The following TENM3 variants were observed in gnomAD, a reference collection of about 807,000 sequenced individuals.
TENM3 encodes teneurin transmembrane protein 3, also known as teneurin-3.
TENM3 carries 63 observed loss-of-function variants against 255.1 expected under a neutral mutation model. The ratio of observed to expected loss-of-function variants is 0.25; its 90% CI spans 0.20 to 0.30. The LOEUF is 0.30. Among genes scored for constraint, TENM3 ranks in the 10% least tolerant of loss-of-function variants. TENM3 has a pLI of 1.00. For missense variants in TENM3, 2,929 were observed against 3,461.1 expected, an observed-to-expected ratio of 0.85 and a Z score of 3.86; for synonymous variants, 1,306 against 1,322.3, an observed-to-expected ratio of 0.99 and a Z score of 0.27.
At chr4:182,730,067 T>C in intron 14 of TENM3, 133 bp from the exon 15 acceptor site, 1 of 1,052,406 alleles carries the variant, frequency 9.5e-7, no homozygotes, top group Non-Finnish European at 1.4e-6. Context: ...GTATTTCAGG[T>C]CTGATTTTTG....
intron 3 of TENM3, among the ~76,000 whole-genome samples, chr4:182,351,630 T>G (rs370480531): frequency 9.9e-5 from 15 of 152,194 alleles, no homozygotes; most frequent in East Asian, 5.8e-4. Flanking sequence ...ACCTTTGATG[T>G]AAGGCAGGCC....
chr4:181,569,217 T>A, the TENM3 span, among the ~76,000 whole-genome samples: 13 of 152,134 alleles, frequency 8.5e-5, no homozygotes, highest in African/African-American at 3.1e-4. Context: ...GCTGCCCTGC[T>A]CTTTCTTATT....
rs372061748 is a variant in TENM3, at chr4:182,799,592, G to A, written c.7345-4G>A. The A allele has an allele frequency of 7.3e-5, 112 of 1,536,398 alleles. No homozygotes were observed. The highest frequency in any genetic ancestry group is 9.3e-5 in the Non-Finnish European group (106 of 1,145,940). On this transcript the variant is annotated splice_polypyrimidine_tract_variant and splice_region_variant and intron_variant, in intron 27 of 27. Transcript: ENST00000511685. The surrounding 1 kb of genome is among the most constrained non-coding windows in gnomAD (Gnocchi z 4.2). Reference sequence around the variant, plus strand: ...ACGCGCCCCCTCTTTTGTTTCGCCCGCAGCCCATCTTCGGAGTCCAGCAGC... The same window carrying A: ...ACGCGCCCCCTCTTTTGTTTCGCCCACAGCCCATCTTCGGAGTCCAGCAGC...
At chr4:181,472,908 T>C in the TENM3 span, among the ~76,000 whole-genome samples, 3 of 152,142 alleles carry the variant, frequency 2.0e-5, no homozygotes, top group Admixed American at 6.5e-5. Flanking sequence ...CAAGAATAAA[T>C]GGAATTCATA....
chr4:182,026,766 C>T, the TENM3 span, among the ~76,000 whole-genome samples: 1 of 152,134 alleles, frequency 6.6e-6, no homozygotes, highest in African/African-American at 2.4e-5. Flanking sequence ...AAATGGTTTA[C>T]TGGAGGTGTG....
intron 13 of TENM3, among the ~76,000 whole-genome samples, chr4:182,715,096 C>G (rs1404890300): frequency 6.6e-6 from 1 of 152,166 alleles, no homozygotes; most frequent in Non-Finnish European, 1.5e-5. Context: ...GTTGGTCAGG[C>G]TGGTCCCAAA....
chr4:182,068,993 TAGA>T, the TENM3 span, among the ~76,000 whole-genome samples: 5 of 151,986 alleles, frequency 3.3e-5, no homozygotes, highest in African/African-American at 1.2e-4. Flanking sequence ...TTTTAAAAAT[TAGA>T]AGAATATGAT....
chr4:181,748,094 G>C, the TENM3 span, among the ~76,000 whole-genome samples: 1 of 151,786 alleles, frequency 6.6e-6, no homozygotes. Context: ...TCCTCCCCAA[G>C]GATTCTCCTA....
At chr4:182,425,775 C>T (rs142875846) in intron 3 of TENM3, among the ~76,000 whole-genome samples, 2,305 of 152,094 alleles carry the variant, frequency 0.015, 60 homozygotes, top group East Asian at 0.1. Flanking sequence ...TTTCGGAGGC[C>T]GAGGCAGGCG....
intron 1 of TENM3, among the ~76,000 whole-genome samples, chr4:182,256,089 C>T (rs989110396): frequency 5.9e-5 from 9 of 152,174 alleles, no homozygotes; most frequent in African/African-American, 1.9e-4. Context: ...CTTGGATGTA[C>T]GTATAGGTTC....
In TENM3 at chr4:182,411,442, A is replaced by ATTGT. The variant is rs562203756; in HGVS notation, c.511+64513_511+64514insTTGT. ...AGGTTCTTAGAAACAGGACTTTACA[A>ATTGT]AGAGGAGGTTCTGAGTATGGCATTG... On this transcript the variant is annotated intron_variant, in intron 3 of 27. Transcript: ENST00000511685. Among the ~76,000 whole-genome samples, 503 of 152,312 alleles carry ATTGT rather than the reference A, an allele frequency of 3.3e-3. 12 individuals are homozygous for ATTGT. The highest frequency in any genetic ancestry group is 0.03 in the Admixed American group (454 of 15,300).
chr4:181,876,700 G>T, the TENM3 span, among the ~76,000 whole-genome samples: 1 of 152,042 alleles, frequency 6.6e-6, no homozygotes, highest in Non-Finnish European at 1.5e-5. Context: ...GAAAATCTGT[G>T]ATTTAAAACC....
chr4:182,075,438 TC>T, the TENM3 span, among the ~76,000 whole-genome samples: 1 of 152,048 alleles, frequency 6.6e-6, no homozygotes, highest in African/African-American at 2.4e-5. Context: ...GACCTAGTGA[TC>T]CACCCGCCTT....
At chr4:182,429,585 C>A (rs1292528443) in intron 3 of TENM3, among the ~76,000 whole-genome samples, 4 of 152,066 alleles carry the variant, frequency 2.6e-5, no homozygotes, top group Non-Finnish European at 5.9e-5. Flanking sequence ...TCCATTAATG[C>A]CAAGGAGTAA....
intron 1 of TENM3, among the ~76,000 whole-genome samples, chr4:182,301,068 A>T (rs937289517): frequency 1.3e-5 from 2 of 152,246 alleles, no homozygotes; most frequent in African/African-American, 4.8e-5. Context: ...AGAGGACTGC[A>T]TCTTATGCGT....
chr4:181,518,848 C>A, the TENM3 span, among the ~76,000 whole-genome samples: 1 of 152,162 alleles, frequency 6.6e-6, no homozygotes, highest in African/African-American at 2.4e-5. Context: ...TCCAGCCACA[C>A]TGGGAGAATC....
intron 22 of TENM3, among the ~76,000 whole-genome samples, chr4:182,770,105 G>GAAA (rs34469288): frequency 1.1e-5 from 1 of 92,728 alleles, no homozygotes; most frequent in Admixed American, 1.1e-4. Context: ...GACTTGTCTC[G>GAAA]AAAAAAAAAA....
At chr4:182,454,204 C>G (rs1773697780) in intron 3 of TENM3, among the ~76,000 whole-genome samples, 1 of 152,140 alleles carries the variant, frequency 6.6e-6, no homozygotes, top group Admixed American at 6.5e-5. Context: ...ACAGCCACCC[C>G]TGCTTGTTTT....
At chr4:182,208,876 A>C (rs1754762354) in intron 1 of TENM3, among the ~76,000 whole-genome samples, 1 of 151,542 alleles carries the variant, frequency 6.6e-6, no homozygotes, top group Non-Finnish European at 1.5e-5. Context: ...GTCAAAGTAT[A>C]TTTCCTATCT....
Sources: gnomAD v4.1 joint callset for allele counts (sites outside exome capture counted in the v4.1 genomes callset) on GRCh38, gnomAD v4.1.1 for gene constraint, Gnocchi (gnomAD v3.1) non-coding constraint, MANE v1.5 for transcripts, NCBI Gene and HGNC (gene_info 2026-07-23, HGNC 2026-07-21) for gene names.